Variants in ATP9B observed in about 807,000 individuals in gnomAD.
The protein encoded by ATP9B is probable phospholipid-transporting ATPase IIB.
In ATP9B, 110 loss-of-function variants were observed where a neutral mutation model predicts 146.1. The observed-to-expected ratio is 0.75, with a 90% CI of 0.65 to 0.88. The LOEUF (loss-of-function observed/expected upper bound fraction) is 0.88, where lower values mean the gene tolerates loss of function less well. ATP9B is among the 40% of genes least tolerant of loss of function. The probability of loss-of-function intolerance (pLI) is 0.00; values close to 1 mark genes in which losing one functional copy is unlikely to be tolerated. For missense variants in ATP9B, 1,499 were observed against 1,496.4 expected (o/e 1.00, Z -0.03); for synonymous variants, 604 against 569.7 (o/e 1.06, Z -0.86).
chr18:79,333,831 T>C (rs1353253583), intron 17 of ATP9B, among the ~76,000 whole-genome samples: 1 of 152,192 alleles, frequency 6.6e-6, no homozygotes, highest in African/African-American at 2.4e-5. Flanking sequence ...CAGGAAGATG[T>C]GATTACCACT....
At chr18:79,173,820 A>C (rs2095117508) in intron 7 of ATP9B, 3 of 450,964 alleles carry the variant, frequency 6.7e-6, no homozygotes, top group South Asian at 4.7e-5. Context: ...AACAACTTTT[A>C]GCTGTTTTAA....
At chr18:79,096,005 T>G (rs1159227095) in intron 1 of ATP9B, among the ~76,000 whole-genome samples, 1 of 152,260 alleles carries the variant, frequency 6.6e-6, no homozygotes, top group East Asian at 1.9e-4. Flanking sequence ...ATGATGTTGA[T>G]ACCTTTCAGA....
rs1014411362 is a variant in ATP9B at position 79,341,603 on chromosome 18, A to G, written c.2284-665A>G. 3.9e-5 allele frequency among the ~76,000 whole-genome samples: 5 copies of G among 126,674 alleles called. No individual in the cohort carries two copies. In the Admixed American group the frequency reaches 4.4e-4, roughly 11 times the overall value. The allele number at this position is 126,674 out of a possible 152,430, so 83.1% of individuals were successfully genotyped here. On this transcript the variant is annotated intron_variant, in intron 19 of 29. Coordinates refer to ENST00000426216, the MANE Select transcript of ATP9B (RefSeq NM_198531.5). ...TTGAAGCCTGTGTTGCCGACACACC[A>G]TTTAGTTGTGGTTGGATGTGTGTAG...
chr18:79,162,900 T>G (rs2094905184), intron 7 of ATP9B, among the ~76,000 whole-genome samples: 1 of 152,210 alleles, frequency 6.6e-6, no homozygotes, highest in African/African-American at 2.4e-5. Context: ...TCCTGTCAGT[T>G]TCTTCAGCAC....
intron 11 of ATP9B, among the ~76,000 whole-genome samples, chr18:79,233,897 G>GAAAATCAT (rs1444468465): frequency 6.6e-6 from 1 of 152,168 alleles, no homozygotes; most frequent in Non-Finnish European, 1.5e-5. Flanking sequence ...ATGCTATTAA[G>GAAAATCAT]AAAATCATAA....
chr18:79,325,724 G>A (rs933745225), intron 15 of ATP9B, among the ~76,000 whole-genome samples: 2 of 152,150 alleles, frequency 1.3e-5, no homozygotes, highest in African/African-American at 4.8e-5. Context: ...TCACCTCCAC[G>A]CAGCACCGGT....
intron 25 of ATP9B, among the ~76,000 whole-genome samples, chr18:79,350,962 G>T (rs1225226197): frequency 6.6e-6 from 1 of 152,002 alleles, no homozygotes; most frequent in Non-Finnish European, 1.5e-5. Flanking sequence ...GTAGAGACGG[G>T]GTTTTGCCAT....
At chr18:79,088,356 T>A (rs2074022727) in intron 1 of ATP9B, among the ~76,000 whole-genome samples, 1 of 152,252 alleles carries the variant, frequency 6.6e-6, no homozygotes. Context: ...TCACATTTTG[T>A]ATAAATACTC....
rs61275013 is a variant in ATP9B at position 79,215,970 on chromosome 18, G to A, written c.1107+1932G>A. On this transcript the variant is annotated intron_variant, in intron 11 of 29. Coordinates refer to ENST00000426216, the MANE Select transcript of ATP9B (RefSeq NM_198531.5). ...CTCCCAAAGTGCTAGGATTACAGGCGTGAGCCACCGCACCCGACCACAAAA... is the reference window on the plus strand; with the variant it reads ...CTCCCAAAGTGCTAGGATTACAGGCATGAGCCACCGCACCCGACCACAAAA... Among the ~76,000 whole-genome samples, 752 of 152,306 alleles carry A rather than the reference G, an allele frequency of 4.9e-3. 12 individuals are homozygous for A. The highest frequency in any genetic ancestry group is 0.017 in the African/African-American group (710 of 41,556).
At chr18:79,094,277 G>C (rs1340895352) in intron 1 of ATP9B, among the ~76,000 whole-genome samples, 1 of 152,200 alleles carries the variant, frequency 6.6e-6, no homozygotes, top group Admixed American at 6.5e-5. Flanking sequence ...TGGGACTTCT[G>C]TTGATTCATA....
At chr18:79,161,858 G>A (rs894027624) in intron 7 of ATP9B, among the ~76,000 whole-genome samples, 1 of 152,088 alleles carries the variant, frequency 6.6e-6, no homozygotes, top group African/African-American at 2.4e-5. Flanking sequence ...AAAAAAAGAA[G>A]TCAGATTGTT....
intron 9 of ATP9B, 95 bp downstream of exon 9, chr18:79,193,358 A>G: frequency 1.9e-6 from 2 of 1,080,682 alleles, no homozygotes; most frequent in Non-Finnish European, 2.8e-6. Context: ...AATAAATTCA[A>G]ACAGAAGTTT....
intron 1 of ATP9B, among the ~76,000 whole-genome samples, chr18:79,069,820 T>C (rs956049081): frequency 2.6e-5 from 4 of 152,192 alleles, no homozygotes; most frequent in Admixed American, 6.5e-5. Flanking sequence ...GGGTGGCTGC[T>C]CTCCTAAAGT....
intron 1 of ATP9B, among the ~76,000 whole-genome samples, chr18:79,091,992 C>T (rs977934491): frequency 6.6e-6 from 1 of 152,142 alleles, no homozygotes; most frequent in African/African-American, 2.4e-5. Flanking sequence ...TTTATTATTG[C>T]GTTATGTCCC....
chr18:79,197,244 A>C (rs2095425288), intron 9 of ATP9B, among the ~76,000 whole-genome samples: 1 of 152,174 alleles, frequency 6.6e-6, no homozygotes, highest in Admixed American at 6.5e-5. Flanking sequence ...GAGAAATATA[A>C]ACTGAAATTG....
chr18:79,143,910 G>A, intron 6 of ATP9B, 50 bp downstream of exon 6: 4 of 1,154,324 alleles, frequency 3.5e-6, no homozygotes, highest in Non-Finnish European at 4.9e-6. Context: ...AGTTATTAAT[G>A]TTTAGCCTGA....
chr18:79,207,956 A>G (rs2095549693), intron 10 of ATP9B, among the ~76,000 whole-genome samples: 1 of 152,054 alleles, frequency 6.6e-6, no homozygotes, highest in South Asian at 2.1e-4. Flanking sequence ...TAATTAAAGA[A>G]GCTTATAGGC....
At chr18:79,361,302 T>G (rs2096986840) in intron 26 of ATP9B, 1 of 152,202 alleles carries the variant, frequency 6.6e-6, no homozygotes, top group African/African-American at 2.4e-5. Context: ...ATGGCTCTAG[T>G]AACAAGAGGT....
intron 15 of ATP9B, among the ~76,000 whole-genome samples, chr18:79,308,645 G>C (rs2096632377): frequency 6.6e-6 from 1 of 151,650 alleles, no homozygotes; most frequent in African/African-American, 2.4e-5. Context: ...GGTCTGAGGA[G>C]TGATCCCCAG....
Sources: gnomAD v4.1 joint callset for allele counts (sites outside exome capture counted in the v4.1 genomes callset) on GRCh38, gnomAD v4.1.1 for gene constraint, MANE v1.5 for transcripts, NCBI Gene and HGNC (gene_info 2026-07-23, HGNC 2026-07-21) for gene names.